Variants in SLIT3 observed in about 807,000 individuals in gnomAD.
SLIT3 encodes slit homolog 3 protein.
A neutral mutation model predicts 184.0 loss-of-function variants in SLIT3; 68 were observed. That is an observed-to-expected ratio of 0.37 (90% CI 0.30 to 0.45). SLIT3 has a LOEUF of 0.45. SLIT3 is among the 20% of genes least tolerant of loss of function. The pLI is 1.00. For missense variants in SLIT3, 1,707 were observed against 2,026.0 expected (o/e 0.84, Z 3.02); for synonymous variants, 831 against 828.6 (o/e 1.00, Z -0.05).
At chr5:169,294,784 C>G (rs1022880408) in intron 1 of SLIT3, among the ~76,000 whole-genome samples, 1 of 152,152 alleles carries the variant, frequency 6.6e-6, no homozygotes, top group African/African-American at 2.4e-5. Context: ...GCCTACTATA[C>G]GTCTAGGCTA....
At chr5:169,019,176 C>T (rs997821360) in intron 4 of SLIT3, among the ~76,000 whole-genome samples, 11 of 152,238 alleles carry the variant, frequency 7.2e-5, no homozygotes, top group Non-Finnish European at 1.5e-4. Flanking sequence ...TCAACTCATT[C>T]CACAAGACTG....
chr5:168,916,818 T>G (rs530764928), intron 4 of SLIT3, among the ~76,000 whole-genome samples: 12 of 152,374 alleles, frequency 7.9e-5, no homozygotes, highest in African/African-American at 2.6e-4. Flanking sequence ...TTTTTTCTCC[T>G]TCTTTCTCCA....
chr5:168,949,474 G>T (rs1220732756), intron 4 of SLIT3, among the ~76,000 whole-genome samples: 1 of 152,180 alleles, frequency 6.6e-6, no homozygotes, highest in Non-Finnish European at 1.5e-5. Context: ...TCCAGAGAAA[G>T]ATTCCTTACA....
intron 6 of SLIT3, among the ~76,000 whole-genome samples, chr5:168,838,768 ACT>A (rs1758143283): frequency 6.6e-6 from 1 of 151,070 alleles, no homozygotes; most frequent in African/African-American, 2.4e-5. Context: ...TTCCCCATTC[ACT>A]CTTCTGCGTC....
At chr5:169,051,832 G>A (rs1448323813) in intron 4 of SLIT3, among the ~76,000 whole-genome samples, 2 of 152,142 alleles carry the variant, frequency 1.3e-5, no homozygotes, top group Admixed American at 6.5e-5. Context: ...CAGAAAGAAA[G>A]GAAGAGAGTG....
At chr5:168,892,010 C>T (rs1162590426) in intron 4 of SLIT3, among the ~76,000 whole-genome samples, 1 of 152,154 alleles carries the variant, frequency 6.6e-6, no homozygotes. Context: ...CCTGCAGGCT[C>T]AGATTTGTGA....
At chr5:169,251,315 G>T in intron 2 of SLIT3, 73 bp downstream of exon 2, 2 of 1,005,046 alleles carry the variant, frequency 2.0e-6, no homozygotes, top group Non-Finnish European at 3.2e-6. Flanking sequence ...TGATGTCAGG[G>T]GCAGTGGAAC....
intron 32 of SLIT3, among the ~76,000 whole-genome samples, chr5:168,681,496 A>G (rs916568922): frequency 3.3e-5 from 5 of 152,214 alleles, no homozygotes; most frequent in African/African-American, 1.2e-4. Context: ...GGTACTAAAG[A>G]TCTGTTACAG....
intron 3 of SLIT3, among the ~76,000 whole-genome samples, chr5:169,218,902 C>A (rs973980239): frequency 6.6e-6 from 1 of 152,204 alleles, no homozygotes; most frequent in African/African-American, 2.4e-5. Context: ...GCCACCAACC[C>A]AGCCACGGTC....
intron 4 of SLIT3, among the ~76,000 whole-genome samples, chr5:169,141,746 GA>G (rs55972468): frequency 1.0e-3 from 122 of 119,266 alleles, no homozygotes; most frequent in East Asian, 6.0e-3. Context: ...CTCAAAAAAA[GA>G]AAAAAAAAAA....
At chr5:169,247,594 CTA>C (rs963206068) in intron 2 of SLIT3, among the ~76,000 whole-genome samples, 4 of 152,260 alleles carry the variant, frequency 2.6e-5, no homozygotes, top group African/African-American at 7.2e-5. Context: ...GCAAGGATAT[CTA>C]TATGAGATAC....
At chr5:169,269,615 G>A (rs963916034) in intron 1 of SLIT3, among the ~76,000 whole-genome samples, 3 of 152,194 alleles carry the variant, frequency 2.0e-5, no homozygotes, top group Non-Finnish European at 2.9e-5. Context: ...ATGAAGATTT[G>A]GAAAGGAAGA....
intron 4 of SLIT3, among the ~76,000 whole-genome samples, chr5:168,932,897 T>C (rs1192351650): frequency 1.3e-5 from 2 of 152,204 alleles, no homozygotes; most frequent in African/African-American, 2.4e-5. Context: ...GTCTGGCCCA[T>C]AGAAAGAGCT....
chr5:168,928,681 G>A (rs1761902404), intron 4 of SLIT3, among the ~76,000 whole-genome samples: 1 of 152,136 alleles, frequency 6.6e-6, no homozygotes, highest in Non-Finnish European at 1.5e-5. Context: ...CTTTTTTGGA[G>A]GACTGAAATT....
chr5:169,092,892 G>C (rs1759643899), intron 4 of SLIT3, among the ~76,000 whole-genome samples: 1 of 152,186 alleles, frequency 6.6e-6, no homozygotes, highest in African/African-American at 2.4e-5. Flanking sequence ...ACATCAGCTA[G>C]CGTGGGCATA....
chr5:169,300,670 C>G lies in SLIT3; in HGVS notation c.40G>C (p.Ala14Pro). ...GWAGVGAAVR[A>P]RLALALALAS... ...AGCGCCAAGGCCAGCGCCAGGCGGG[C>G]GCGCACGGCGGCGCCGACCCCTGCC... Residue 14 changes from alanine (A) to proline (P), a missense_variant, in exon 1 of 36, where the codon GCC becomes CCC. By Grantham distance (27) the Ala-to-Pro change is conservative. Around this residue, in one of 3 missense-constraint regions of SLIT3, gnomAD observed 1,307 missense variants for 1,511.6 expected, o/e 0.86. Coordinates refer to ENST00000519560, the MANE Select transcript of SLIT3 (RefSeq NM_003062.4). This position sits in a 1 kb window ranked among gnomAD's most constrained non-coding sequence, Gnocchi z 4.1. 1 of 1,410,356 alleles carries G rather than the reference C, an allele frequency of 7.1e-7. No homozygotes were observed. Among genetic ancestry groups the G allele is most frequent in the African/African-American group, 1.5e-5 (1 of 66,420 alleles). 87.4% of individuals were successfully genotyped at this position (1,410,356 alleles called of 1,614,324 possible).
intron 6 of SLIT3, among the ~76,000 whole-genome samples, chr5:168,842,621 T>G (rs1758310080): frequency 6.6e-6 from 1 of 152,056 alleles, no homozygotes; most frequent in Non-Finnish European, 1.5e-5. Flanking sequence ...GTACATACAC[T>G]GTCTGTTTTT....
intron 5 of SLIT3, among the ~76,000 whole-genome samples, chr5:168,868,531 C>T (rs1279467055): frequency 2.6e-5 from 4 of 152,058 alleles, no homozygotes; most frequent in East Asian, 1.9e-4. Flanking sequence ...GGGCGGATCA[C>T]GAGGTCAAGA....
chr5:168,862,148 C>G (rs866046274), intron 5 of SLIT3, among the ~76,000 whole-genome samples: 1 of 152,028 alleles, frequency 6.6e-6, no homozygotes, highest in African/African-American at 2.4e-5. Flanking sequence ...AGGAATCTCT[C>G]GAGATATTTA....
Sources: gnomAD v4.1 joint callset for allele counts (sites outside exome capture counted in the v4.1 genomes callset) on GRCh38, gnomAD v4.1.1 for gene constraint, gnomAD v4.1.1 regional missense constraint, Gnocchi (gnomAD v3.1) non-coding constraint, MANE v1.5 for transcripts, NCBI Gene and HGNC (gene_info 2026-07-23, HGNC 2026-07-21) for gene names.